The following TEX14 variants were observed in gnomAD, a reference collection of about 807,000 sequenced individuals.
The protein encoded by TEX14 is inactive serine/threonine-protein kinase TEX14.
Under a neutral mutation model 178.6 loss-of-function variants are expected in TEX14, and 168 were observed. That is an observed-to-expected ratio of 0.94 (90% confidence interval 0.83 to 1.07). The LOEUF (loss-of-function observed/expected upper bound fraction) is 1.07, where lower values mean the gene tolerates loss of function less well. Ranked by LOEUF, TEX14 falls within the 50% of genes least tolerant of loss-of-function variation. The probability of loss-of-function intolerance (pLI) is 0.00; values close to 1 mark genes in which losing one functional copy is unlikely to be tolerated. For missense variants in TEX14, 1,730 were observed against 1,753.6 expected (o/e 0.99, Z 0.24); for synonymous variants, 626 against 634.1 (o/e 0.99, Z 0.19).
chr17:58,647,706 G>A (rs831956), intron 2 of TEX14, among the ~76,000 whole-genome samples: 1 of 148,406 alleles, frequency 6.7e-6, no homozygotes, highest in South Asian at 2.1e-4. Context: ...TTTGTTTTTT[G>A]TTTTTTGAGA....
At chr17:58,598,752 C>T (rs1289939711) in intron 14 of TEX14, 124 bp downstream of exon 14, 43 of 981,232 alleles carry the variant, frequency 4.4e-5, no homozygotes, top group Non-Finnish European at 6.1e-5. Flanking sequence ...ACTCAGGTTA[C>T]CTGATGGCTT....
At chr17:58,660,559 T>C in intron 1 of TEX14, 1 of 780,008 alleles carries the variant, frequency 1.3e-6, no homozygotes, top group South Asian at 1.4e-5. Flanking sequence ...CCTGCAGTCC[T>C]GCGGTGTTGT....
At chr17:58,631,730 C>T (rs149474853) in intron 2 of TEX14, 4 of 145,770 alleles carry the variant, frequency 2.7e-5, no homozygotes, top group African/African-American at 4.9e-5. Flanking sequence ...CTATCCCACT[C>T]GTGAGAGAAC....
chr17:58,600,254 T>C (rs1051646961), intron 13 of TEX14, among the ~76,000 whole-genome samples: 2 of 152,172 alleles, frequency 1.3e-5, no homozygotes, highest in African/African-American at 4.8e-5. Flanking sequence ...CCAGGCGTGG[T>C]GGTTCACGCC....
At chr17:58,572,225 T>A in intron 23 of TEX14, 99 bp from the exon 24 acceptor site, 1 of 713,508 alleles carries the variant, frequency 1.4e-6, no homozygotes, top group Non-Finnish European at 2.4e-6. Flanking sequence ...CCCAATATGA[T>A]GTGCAGAAAT....
chr17:58,613,644 G>T (rs978906511), intron 8 of TEX14, 100 bp from the exon 9 acceptor site: 1 of 1,258,056 alleles, frequency 7.9e-7, no homozygotes, highest in Non-Finnish European at 1.1e-6. Context: ...AATACCATTT[G>T]TATACGATGT....
intron 1 of TEX14, among the ~76,000 whole-genome samples, chr17:58,667,003 G>C (rs1455385285): frequency 1.3e-5 from 2 of 152,130 alleles, no homozygotes; most frequent in Non-Finnish European, 1.5e-5. Flanking sequence ...TCCTTCTCCT[G>C]CTCGCGTCAA....
At chr17:58,639,955 G>GT (rs2046535343) in intron 2 of TEX14, among the ~76,000 whole-genome samples, 1 of 152,170 alleles carries the variant, frequency 6.6e-6, no homozygotes, top group African/African-American at 2.4e-5. Flanking sequence ...AGATAAAGAT[G>GT]TTTGGTGAAT....
intron 2 of TEX14, among the ~76,000 whole-genome samples, chr17:58,635,998 G>A (rs1320194306): frequency 6.6e-6 from 1 of 152,136 alleles, no homozygotes; most frequent in Non-Finnish European, 1.5e-5. Context: ...ACCCACCTCA[G>A]CCTCCCAAAG....
In TEX14 at chr17:58,596,611, A is replaced by C. The variant is rs1259012063; in HGVS notation, c.2469+2265T>G. Among the ~76,000 whole-genome samples the C allele has an allele frequency of 3.4e-5, 5 of 148,938 alleles. No homozygotes were observed. The Admixed American group carries it at 3.4e-4, about 10-fold the overall frequency. Reference sequence around the variant, plus strand: ...ATATAAAAACAAATGACAGCTGGGCATGGTGGCTCTTGCCTGTAATCCCAC... The same window carrying C: ...ATATAAAAACAAATGACAGCTGGGCCTGGTGGCTCTTGCCTGTAATCCCAC... On this transcript the variant is annotated intron_variant, in intron 14 of 31. Transcript: ENST00000349033.
chr17:58,568,545 CAAGA>C (rs777670125), intron 26 of TEX14, among the ~76,000 whole-genome samples: 9 of 152,136 alleles, frequency 5.9e-5, no homozygotes, highest in Non-Finnish European at 1.0e-4. Flanking sequence ...GCCAGGCTGT[CAAGA>C]AAGGCGCAGT....
At chr17:58,670,421 G>A (rs1370214652) in intron 1 of TEX14, among the ~76,000 whole-genome samples, 1 of 150,190 alleles carries the variant, frequency 6.7e-6, no homozygotes, top group Non-Finnish European at 1.5e-5. Flanking sequence ...ACTTTGGGAA[G>A]ATTAAAAAAA....
rs780914610 is a variant in TEX14, at chr17:58,559,495, C to G, written c.4225G>C (p.Glu1409Gln). ...AGAACACCCTCTGATTTCCTTCTTT[C>G]TGGTGTAATGCTATCTTCCCTTTTT... is the stretch of plus-strand genomic sequence containing the variant. Reference protein sequence around the residue: ...KRKREDSITPERRKSEGVLGT... With the variant: ...KRKREDSITPQRRKSEGVLGT... The change falls in exon 30 of 32, where the codon GAA becomes CAA. Residue 1409 changes from glutamate to glutamine, a missense_variant. Physicochemically the swap from Glu to Gln is conservative, Grantham distance 29. Coordinates refer to ENST00000349033, the MANE Select transcript of TEX14 (RefSeq NM_031272.5). The G allele has an allele frequency of 1.2e-5, 19 of 1,568,042 alleles. No individual in the cohort carries two copies. The highest frequency in any genetic ancestry group is 2.7e-5 in the African/African-American group (2 of 73,508).
intron 21 of TEX14, among the ~76,000 whole-genome samples, chr17:58,576,213 C>T (rs1024802278): frequency 7.9e-5 from 12 of 152,170 alleles, no homozygotes; most frequent in South Asian, 2.1e-4. Flanking sequence ...TGGCTGAATG[C>T]GGTGGCTCAC....
At chr17:58,690,572 C>T (rs559666111) in intron 1 of TEX14, among the ~76,000 whole-genome samples, 4 of 152,266 alleles carry the variant, frequency 2.6e-5, no homozygotes, top group East Asian at 3.9e-4. Context: ...TGTGGTAATA[C>T]CATGTTTTTT....
In TEX14 at chr17:58,569,800, G is replaced by A. The variant is rs2044479962; in HGVS notation, c.3818-540C>T. On this transcript the variant is annotated intron_variant, in intron 25 of 31. Transcript: ENST00000349033. The surrounding 1 kb of genome is among the most constrained non-coding windows in gnomAD (Gnocchi z 4.1). ...GGGAAATTCCAAGAGTTATACCAAAGACAGAAGACGTTAAAATTAAAGTAA... is the reference window on the plus strand; with the variant it reads ...GGGAAATTCCAAGAGTTATACCAAAAACAGAAGACGTTAAAATTAAAGTAA... Among the ~76,000 whole-genome samples, 1 of 152,082 alleles carries A rather than the reference G, an allele frequency of 6.6e-6. No homozygotes were observed. Among genetic ancestry groups the A allele is most frequent in the Non-Finnish European group, 1.5e-5 (1 of 68,012 alleles).
rs200741312 is a variant in TEX14, at chr17:58,628,714, A to G, written c.251+1726T>C. Among the ~76,000 whole-genome samples, 20 of 142,306 alleles carry G rather than the reference A, an allele frequency of 1.4e-4. No individual in the cohort carries two copies. In the East Asian group the frequency reaches 2.7e-3, roughly 19 times the overall value. The allele number at this position is 142,306 out of a possible 152,430, so 93.4% of individuals were successfully genotyped here. A position where few individuals can be genotyped will look rare whatever the true frequency, so the allele number is the denominator to read the frequency against. ...GCAACAGAGTGAGACTCTGTCTCAA[A>G]AAAAAAAAAAGACTACAAAAATTAG... On this transcript the variant is annotated intron_variant, in intron 3 of 31. Transcript: ENST00000349033.
chr17:58,557,595 A>G (rs1158939178), intron 31 of TEX14, among the ~76,000 whole-genome samples: 1 of 152,090 alleles, frequency 6.6e-6, no homozygotes, highest in East Asian at 1.9e-4. Context: ...TGCTGACTCT[A>G]TCACTTATTG....
Position 58,587,901 on chromosome 17 carries a change from A to G in TEX14, c.2697T>C (p.Ser899=), listed in dbSNP as rs2045020499. The change falls in exon 16 of 32, where the codon TCT becomes TCC. Residue 899 remains serine, a synonymous_variant. Transcript: ENST00000349033. ...CAGCCCACAAGGATCCTTACCTGGT[A>G]GAGTCCCAGTGACAGCTGGGTGATG... ...PSASPSCHWD[S]TRMSVEPVSS... is the part of the protein sequence containing the mutation. 1.3e-6 allele frequency: 2 copies of G among 1,597,104 alleles called. No homozygotes were observed. Among genetic ancestry groups the G allele is most frequent in the South Asian group, 2.2e-5 (2 of 90,812 alleles).
Sources: allele counts gnomAD v4.1 joint callset (sites outside exome capture counted in the v4.1 genomes callset), GRCh38; gene constraint gnomAD v4.1.1; non-coding constraint Gnocchi (gnomAD v3.1); transcripts MANE v1.5; gene names NCBI Gene and HGNC (gene_info 2026-07-23, HGNC 2026-07-21).